KIRREL3: variants seen among roughly 807,000 people sequenced by gnomAD.
The protein encoded by KIRREL3 is kin of IRRE-like protein 3.
KIRREL3 carries 36 observed loss-of-function variants against 89.7 expected under a neutral mutation model. The observed-to-expected ratio is 0.40, with a 90% CI of 0.31 to 0.53. The LOEUF is 0.53. KIRREL3 is among the 20% of genes least tolerant of loss of function. The pLI, the probability that KIRREL3 is intolerant of heterozygous loss-of-function variation, is 0.49. For missense variants in KIRREL3, 864 were observed against 1,056.6 expected, an observed-to-expected ratio of 0.82 and a Z score of 2.53; for synonymous variants, 445 against 441.4, an observed-to-expected ratio of 1.01 and a Z score of -0.10.
intron 5 of KIRREL3, 80 bp downstream of exon 5, chr11:126,473,227 CAA>C: frequency 1.0e-6 from 1 of 994,954 alleles, no homozygotes; most frequent in South Asian, 2.5e-5. Flanking sequence ...TCCTCCCCAT[CAA>C]CTCCCTGTCC....
At chr11:126,582,423 C>T (rs761605912) in intron 1 of KIRREL3, among the ~76,000 whole-genome samples, 20 of 152,182 alleles carry the variant, frequency 1.3e-4, no homozygotes, top group Admixed American at 5.2e-4. Context: ...CTGATGCTGC[C>T]GGAAGCAATA....
chr11:126,450,167 G>A (rs1276819635), intron 7 of KIRREL3, among the ~76,000 whole-genome samples: 2 of 152,262 alleles, frequency 1.3e-5, no homozygotes, highest in Non-Finnish European at 2.9e-5. Flanking sequence ...GTGGGTGTAT[G>A]TGTATACACA....
At chr11:126,913,889 C>T (rs1946930470) in intron 1 of KIRREL3, among the ~76,000 whole-genome samples, 1 of 152,154 alleles carries the variant, frequency 6.6e-6, no homozygotes, top group South Asian at 2.1e-4. Flanking sequence ...CAGTGTGCTT[C>T]AGAGGAAGCT....
rs766244924 is a variant in KIRREL3 at position 126,750,624 on chromosome 11, T to C, written c.56-187712A>G. 1.3e-5 allele frequency among the ~76,000 whole-genome samples: 2 copies of C among 152,240 alleles called. No individual in the cohort carries two copies. The highest frequency in any genetic ancestry group is 2.9e-5 in the Non-Finnish European group (2 of 68,040). ...TGTTTAGTGGGAAAGAATCAACCTGTGTTGCCAATCATTCTGCTGTGTGAT... is the reference window on the plus strand; with the variant it reads ...TGTTTAGTGGGAAAGAATCAACCTGCGTTGCCAATCATTCTGCTGTGTGAT... On this transcript the variant is annotated intron_variant, in intron 1 of 16. Transcript: ENST00000525144. The surrounding 1 kb of genome is among the most constrained non-coding windows in gnomAD (Gnocchi z 4.2).
At position 126,999,357 on chromosome 11, in the gene KIRREL3, T is replaced by C. The variant is rs1214206451; in HGVS notation, c.55+1098A>G. 6.6e-6 allele frequency among the ~76,000 whole-genome samples: 1 copy of C among 152,202 alleles called. No homozygotes were observed. The highest frequency in any genetic ancestry group is 1.5e-5 in the Non-Finnish European group (1 of 68,030). ...AGCCAGGTTTTTGCTTATATTTGGC[T>C]TCTCCCCGACAGGGGAGAAACAGAA... On this transcript the variant is annotated intron_variant, in intron 1 of 16. Coordinates refer to ENST00000525144, the MANE Select transcript of KIRREL3 (RefSeq NM_032531.4). This position sits in a 1 kb window ranked among gnomAD's most constrained non-coding sequence, Gnocchi z 5.7.
At chr11:126,884,311 C>T (rs920131882) in intron 1 of KIRREL3, among the ~76,000 whole-genome samples, 2 of 152,200 alleles carry the variant, frequency 1.3e-5, no homozygotes, top group African/African-American at 4.8e-5. Flanking sequence ...AAGCATGGTT[C>T]TAGAGTGTGC....
chr11:126,975,533 T>G (rs954628259), intron 1 of KIRREL3, among the ~76,000 whole-genome samples: 4 of 152,146 alleles, frequency 2.6e-5, no homozygotes, highest in African/African-American at 7.2e-5. Context: ...GCTAGTCCAG[T>G]GGAAGATTTG....
Position 126,574,656 on chromosome 11 carries a change from G to T in KIRREL3, c.56-11744C>A, listed in dbSNP as rs564142478. Among the ~76,000 whole-genome samples, 2 of 152,274 alleles carry T rather than the reference G, an allele frequency of 1.3e-5. No homozygotes were observed. The highest frequency in any genetic ancestry group is 3.9e-4 in the East Asian group (2 of 5,186). ...CAGCCCCACCAGAGCAAAGGACGAG[G>T]GTGGCTGGGATAGTGTGTGCTTACA... On this transcript the variant is annotated intron_variant, in intron 1 of 16. Transcript: ENST00000525144. The surrounding 1 kb of genome is among the most constrained non-coding windows in gnomAD (Gnocchi z 5.3).
rs2135284428 is a variant in KIRREL3, at chr11:126,993,502, T to C, written c.55+6953A>G. On this transcript the variant is annotated intron_variant, in intron 1 of 16. Coordinates refer to ENST00000525144, the MANE Select transcript of KIRREL3 (RefSeq NM_032531.4). The surrounding 1 kb of genome is among the most constrained non-coding windows in gnomAD (Gnocchi z 6.1). ...ATGTCATCTCCTCTGTGCAACCTTT[T>C]CTGATGCCTTTGCTGATCCACCTGT... 6.6e-6 allele frequency among the ~76,000 whole-genome samples: 1 copy of C among 152,370 alleles called. No homozygotes were observed. The highest frequency in any genetic ancestry group is 2.1e-4 in the South Asian group (1 of 4,830).
In KIRREL3 at chr11:126,976,668, A is replaced by G. The variant is rs943103926; in HGVS notation, c.55+23787T>C. ...CATAAGCATCATCATTATTATAGTG[A>G]TAGTTAATATTTATTGAATTTTTCT... is the stretch of plus-strand genomic sequence containing the variant. On this transcript the variant is annotated intron_variant, in intron 1 of 16. Transcript: ENST00000525144. This position sits in a 1 kb window ranked among gnomAD's most constrained non-coding sequence, Gnocchi z 4.2. Among the ~76,000 whole-genome samples the G allele has an allele frequency of 6.6e-6, 1 of 152,144 alleles. No individual in the cohort carries two copies. Among genetic ancestry groups the G allele is most frequent in the Non-Finnish European group, 1.5e-5 (1 of 68,044 alleles).
intron 1 of KIRREL3, among the ~76,000 whole-genome samples, chr11:126,857,473 A>T (rs1438797828): frequency 6.6e-6 from 1 of 152,156 alleles, no homozygotes; most frequent in African/African-American, 2.4e-5. Flanking sequence ...GATCAAGCTG[A>T]GACTGGGACT....
chr11:126,837,180 G>A lies in KIRREL3; in HGVS notation c.55+163275C>T, dbSNP rs2134508730. On this transcript the variant is annotated intron_variant, in intron 1 of 16. Transcript: ENST00000525144. The surrounding 1 kb of genome is among the most constrained non-coding windows in gnomAD (Gnocchi z 4.7). ...AACAAGTGTGTGGCCTTGGGTAAAT[G>A]ATAACTTCATCTAAAATCCAGTTTA... Among the ~76,000 whole-genome samples, 1 of 152,254 alleles carries A rather than the reference G, an allele frequency of 6.6e-6. No individual in the cohort carries two copies. The highest frequency in any genetic ancestry group is 2.4e-5 in the African/African-American group (1 of 41,554).
rs1957311034 is a variant in KIRREL3 at position 126,484,882 on chromosome 11, G to A, written c.434-11416C>T. ...CCAGGCTGGAGTGCAATGGCACAAT[G>A]TAGGCTCACTGCAGCCTCCGCCTCC... On this transcript the variant is annotated intron_variant, in intron 4 of 16. Transcript: ENST00000525144. The surrounding 1 kb of genome is among the most constrained non-coding windows in gnomAD (Gnocchi z 5.2). 2.7e-5 allele frequency among the ~76,000 whole-genome samples: 4 copies of A among 150,576 alleles called. No homozygotes were observed. In the South Asian group the frequency reaches 6.3e-4, roughly 24 times the overall value.
chr11:126,916,908 AAGGGGAC>A (rs1482853646), intron 1 of KIRREL3, among the ~76,000 whole-genome samples: 1 of 152,108 alleles, frequency 6.6e-6, no homozygotes, highest in East Asian at 1.9e-4. Flanking sequence ...GCATAATCAA[AAGGGGAC>A]AGGATGTCCC....
chr11:126,591,334 C>A (rs1021758959), intron 1 of KIRREL3, among the ~76,000 whole-genome samples: 1 of 152,196 alleles, frequency 6.6e-6, no homozygotes. Context: ...AGGTAACAAT[C>A]CTTCACCAAG....
intron 1 of KIRREL3, among the ~76,000 whole-genome samples, chr11:126,799,071 TATTCGTGTGTGTGCATGC>T (rs1950905198): frequency 6.6e-6 from 1 of 150,836 alleles, no homozygotes; most frequent in African/African-American, 2.4e-5. Context: ...CGTGTGCACG[TATTCGTGTGTGTGCATGC>T]ATGTATCTGT....
chr11:126,973,115 A>AAG (rs1245944935), intron 1 of KIRREL3, among the ~76,000 whole-genome samples: 1 of 148,726 alleles, frequency 6.7e-6, no homozygotes, highest in African/African-American at 2.4e-5. Flanking sequence ...AAAAAAAAAA[A>AAG]AAAAAGACAG....
intron 1 of KIRREL3, among the ~76,000 whole-genome samples, chr11:126,595,190 C>G (rs551950268): frequency 2.0e-5 from 3 of 152,164 alleles, no homozygotes; most frequent in Non-Finnish European, 4.4e-5. Flanking sequence ...GAGGGGGTGG[C>G]GGGTGAGGGG....
chr11:126,522,058 T>C lies in KIRREL3; in HGVS notation c.284-594A>G, dbSNP rs912935214. ...CATGCCCGGCCATGTAAGGGTCTTG[T>C]TGGTTTCAAGTTTAGGAAAATCGGA... is the stretch of plus-strand genomic sequence containing the variant. On this transcript the variant is annotated intron_variant, in intron 3 of 16. Coordinates refer to ENST00000525144, the MANE Select transcript of KIRREL3 (RefSeq NM_032531.4). The surrounding 1 kb of genome is among the most constrained non-coding windows in gnomAD (Gnocchi z 6.0). 6.6e-6 allele frequency among the ~76,000 whole-genome samples: 1 copy of C among 152,066 alleles called. No homozygotes were observed. Among genetic ancestry groups the C allele is most frequent in the East Asian group, 1.9e-4 (1 of 5,178 alleles).
Sources: allele counts gnomAD v4.1 joint callset (sites outside exome capture counted in the v4.1 genomes callset), GRCh38; gene constraint gnomAD v4.1.1; non-coding constraint Gnocchi (gnomAD v3.1); transcripts MANE v1.5; gene names NCBI Gene and HGNC (gene_info 2026-07-23, HGNC 2026-07-21).